Variants in TGFA observed in about 807,000 individuals in gnomAD.
TGFA encodes the protein transforming growth factor alpha.
Under a neutral mutation model 21.7 loss-of-function variants are expected in TGFA, and 12 were observed. The ratio of observed to expected loss-of-function variants is 0.55; its 90% confidence interval spans 0.35 to 0.90. The LOEUF is 0.90. Ranked by LOEUF, TGFA falls within the 40% of genes least tolerant of loss-of-function variation. The pLI is 0.01. For synonymous variants in TGFA, 79 were observed against 88.1 expected (o/e 0.90, Z 0.58); for missense variants, 178 against 210.8 (o/e 0.84, Z 0.96).
At chr2:70,539,854 A>G (rs1267920150) in intron 1 of TGFA, among the ~76,000 whole-genome samples, 2 of 152,120 alleles carry the variant, frequency 1.3e-5, no homozygotes, top group Non-Finnish European at 2.9e-5. Flanking sequence ...TTCCTTTTTC[A>G]TTCTCTAGTT....
At chr2:70,526,348 C>T (rs990001454) in intron 1 of TGFA, among the ~76,000 whole-genome samples, 1 of 152,300 alleles carries the variant, frequency 6.6e-6, no homozygotes, top group South Asian at 2.1e-4. Flanking sequence ...GACTCGGAAG[C>T]CCCAAGAGGG....
chr2:70,475,713 TTAAAA>T (rs1307706455), intron 2 of TGFA, among the ~76,000 whole-genome samples: 1 of 151,960 alleles, frequency 6.6e-6, no homozygotes, highest in Non-Finnish European at 1.5e-5. Context: ...CTTTGGGAAA[TTAAAA>T]TAAAACCTCA....
intron 2 of TGFA, among the ~76,000 whole-genome samples, chr2:70,484,327 C>T (rs1464587200): frequency 2.6e-5 from 4 of 152,216 alleles, no homozygotes; most frequent in African/African-American, 9.6e-5. Flanking sequence ...AAACCACATT[C>T]TATCCTTATG....
chr2:70,548,269 G>A (rs1406398146), intron 1 of TGFA, among the ~76,000 whole-genome samples: 2 of 152,080 alleles, frequency 1.3e-5, no homozygotes, highest in African/African-American at 2.4e-5. Flanking sequence ...GCTGAGGCTC[G>A]GCCTGTGCTC....
chr2:70,454,877 G>A (rs1670177943), intron 4 of TGFA, among the ~76,000 whole-genome samples: 1 of 152,188 alleles, frequency 6.6e-6, no homozygotes, highest in Admixed American at 6.5e-5. Flanking sequence ...TTAGCTCTTA[G>A]GTCCCTCTGG....
chr2:70,497,952 T>C (rs1671626010), intron 2 of TGFA, among the ~76,000 whole-genome samples: 1 of 152,240 alleles, frequency 6.6e-6, no homozygotes, highest in African/African-American at 2.4e-5. Context: ...GAAAAATAAC[T>C]AAAAACAGCT....
intron 2 of TGFA, among the ~76,000 whole-genome samples, chr2:70,480,196 C>A (rs782189979): frequency 6.6e-6 from 1 of 152,232 alleles, no homozygotes; most frequent in Non-Finnish European, 1.5e-5. Flanking sequence ...TCCAGACATT[C>A]ATGCCATGCC....
At position 70,553,366 on chromosome 2, in the gene TGFA, G is replaced by A. The variant is rs1235771396; in HGVS notation, c.40+362C>T. 4 of 1,462,806 alleles carry A rather than the reference G, an allele frequency of 2.7e-6. No homozygotes were observed. In the Admixed American group the frequency reaches 8.1e-5, roughly 30 times the overall value. 90.6% of individuals were successfully genotyped at this position (1,462,806 alleles called of 1,614,324 possible). ...GCCCAGTCTACACGCCAGCGACGCC[G>A]GCTGAGCCGGGCTTGGAGGCAGCCA... On this transcript the variant is annotated intron_variant, in intron 1 of 5. Coordinates refer to ENST00000295400, the MANE Select transcript of TGFA (RefSeq NM_003236.4).
chr2:70,522,248 AC>A (rs1420721926), intron 1 of TGFA, among the ~76,000 whole-genome samples: 2 of 152,098 alleles, frequency 1.3e-5, no homozygotes, highest in African/African-American at 4.8e-5. Context: ...CTCATCAAAG[AC>A]TTGGACTAGG....
In TGFA at chr2:70,497,822, T is replaced by C. The variant is rs1553498552; in HGVS notation, c.94+17037A>G. ...TATCCAGGCTAAGCAATTCTTTCCA[T>C]CATTTTTTAAAGCTAATTCATATCA... On this transcript the variant is annotated intron_variant, in intron 2 of 5. Coordinates refer to ENST00000295400, the MANE Select transcript of TGFA (RefSeq NM_003236.4). 3.3e-5 allele frequency among the ~76,000 whole-genome samples: 5 copies of C among 152,356 alleles called. No individual in the cohort carries two copies. In the South Asian group the frequency reaches 1.0e-3, roughly 32 times the overall value.
At chr2:70,496,190 T>C (rs1671574375) in intron 2 of TGFA, among the ~76,000 whole-genome samples, 1 of 152,192 alleles carries the variant, frequency 6.6e-6, no homozygotes, top group African/African-American at 2.4e-5. Flanking sequence ...GCTTGGACAC[T>C]GCTTTCCAGT....
At chr2:70,494,715 T>A (rs1391417478) in intron 2 of TGFA, among the ~76,000 whole-genome samples, 2 of 152,252 alleles carry the variant, frequency 1.3e-5, no homozygotes, top group African/African-American at 4.8e-5. Context: ...AATTTGCATC[T>A]CTTTGATGAC....
intron 1 of TGFA, among the ~76,000 whole-genome samples, chr2:70,533,854 G>A (rs527574013): frequency 8.6e-5 from 13 of 151,512 alleles, no homozygotes; most frequent in Admixed American, 7.9e-4. Context: ...ATAAGAGACA[G>A]ATGTTTAAAA....
chr2:70,519,937 C>A (rs1472453068), intron 1 of TGFA, among the ~76,000 whole-genome samples: 1 of 152,228 alleles, frequency 6.6e-6, no homozygotes, highest in African/African-American at 2.4e-5. Flanking sequence ...CTCTGCCACT[C>A]CTTCACTGTG....
chr2:70,483,508 T>C (rs1166312150), intron 2 of TGFA, among the ~76,000 whole-genome samples: 2 of 152,226 alleles, frequency 1.3e-5, no homozygotes, highest in African/African-American at 4.8e-5. Flanking sequence ...GGTCTTTTAC[T>C]AGGATACTCA....
At position 70,466,976 on chromosome 2, in the gene TGFA, T is replaced by A. The variant is rs570534327; in HGVS notation, c.95-1240A>T. Among the ~76,000 whole-genome samples the A allele has an allele frequency of 3.9e-5, 6 of 152,030 alleles. No individual in the cohort carries two copies. In the South Asian group the frequency reaches 1.2e-3, roughly 32 times the overall value. ...CATGTTCTCACTTATAAGTGGGAGC[T>A]GAACAAAGAGAACACGTGGACACAG... is the stretch of plus-strand genomic sequence containing the variant. On this transcript the variant is annotated intron_variant, in intron 2 of 5. Transcript: ENST00000295400.
chr2:70,455,745 T>C (rs1670208402), intron 4 of TGFA, among the ~76,000 whole-genome samples: 1 of 152,074 alleles, frequency 6.6e-6, no homozygotes, highest in African/African-American at 2.4e-5. Flanking sequence ...AGTCAGGAGA[T>C]GTGGGCAAGC....
At chr2:70,485,458 G>A (rs138522248) in intron 2 of TGFA, among the ~76,000 whole-genome samples, 2,073 of 152,192 alleles carry the variant, frequency 0.014, 42 homozygotes, top group African/African-American at 0.047. Context: ...GGCTGGTCTC[G>A]AACTCCTGAC....
intron 2 of TGFA, among the ~76,000 whole-genome samples, chr2:70,466,417 G>A (rs1553492250): frequency 6.6e-6 from 1 of 152,184 alleles, no homozygotes; most frequent in Admixed American, 6.5e-5. Flanking sequence ...TGAGGCAGGA[G>A]AATGGCGAGA....
Sources: gnomAD v4.1 joint callset for allele counts (sites outside exome capture counted in the v4.1 genomes callset) on GRCh38, gnomAD v4.1.1 for gene constraint, MANE v1.5 for transcripts, NCBI Gene and HGNC (gene_info 2026-07-23, HGNC 2026-07-21) for gene names.